SOX6: variants seen among roughly 807,000 people sequenced by gnomAD.
SOX6 encodes the protein SRY-box transcription factor 6.
A neutral mutation model predicts 97.8 loss-of-function variants in SOX6; 11 were observed. The ratio of observed to expected loss-of-function variants is 0.11; its 90% CI spans 0.07 to 0.19. The LOEUF is 0.19. Ranked by LOEUF, SOX6 falls within the 10% of genes least tolerant of loss-of-function variation. SOX6 has a pLI of 1.00. For missense variants in SOX6, 810 were observed against 1,039.5 expected (o/e 0.78, Z 3.04); for synonymous variants, 360 against 371.4 (o/e 0.97, Z 0.35).
At chr11:16,495,632 G>C (rs1860582167) in intron 4 of SOX6, among the ~76,000 whole-genome samples, 1 of 152,206 alleles carries the variant, frequency 6.6e-6, no homozygotes, top group South Asian at 2.1e-4. Flanking sequence ...GCACAGATCT[G>C]TTGTGAGCCA....
intron 3 of SOX6, among the ~76,000 whole-genome samples, chr11:16,275,495 C>A (rs10832581): frequency 1.9e-5 from 2 of 106,330 alleles, no homozygotes; most frequent in Admixed American, 1.3e-4. Flanking sequence ...AACAAAAAAA[C>A]ACCTCTTCCT....
At chr11:16,541,849 C>T (rs1590238830) in intron 4 of SOX6, among the ~76,000 whole-genome samples, 1 of 152,288 alleles carries the variant, frequency 6.6e-6, no homozygotes, top group Middle Eastern at 3.4e-3. Flanking sequence ...AATAGGAATG[C>T]TTTTACACCG....
At chr11:16,176,348 G>C (rs1851185732) in intron 6 of SOX6, among the ~76,000 whole-genome samples, 1 of 151,802 alleles carries the variant, frequency 6.6e-6, no homozygotes, top group Non-Finnish European at 1.5e-5. Context: ...GTGATTACAA[G>C]GGACAACCAA....
intron 8 of SOX6, among the ~76,000 whole-genome samples, chr11:16,096,854 T>C (rs973394356): frequency 1.3e-5 from 2 of 151,914 alleles, no homozygotes; most frequent in African/African-American, 4.8e-5. Flanking sequence ...TACTGAATGT[T>C]TGACTTATTT....
intron 1 of SOX6, among the ~76,000 whole-genome samples, chr11:16,439,988 A>G (rs1859472297): frequency 6.6e-6 from 1 of 152,322 alleles, no homozygotes; most frequent in South Asian, 2.1e-4. Context: ...TTTAAGTTCC[A>G]TATATAGACA....
At position 16,487,915 on chromosome 11, in the gene SOX6, C is replaced by T. The variant is rs1860460653; in HGVS notation, n.610-11527G>A. ...AGATGAGTTGACACCGCCTGTTGTG[C>T]AAATATGTACTTAGACTACTATAAA... On this transcript the variant is annotated intron_variant and non_coding_transcript_variant, in intron 4 of 5. Transcript: ENST00000524520. 2.6e-5 allele frequency among the ~76,000 whole-genome samples: 4 copies of T among 152,116 alleles called. No homozygotes were observed. The South Asian group carries it at 8.3e-4, about 32-fold the overall frequency.
intron 4 of SOX6, among the ~76,000 whole-genome samples, chr11:16,569,868 C>CAAAAAAAAAAAAAAAAAACAAA (rs34604334): frequency 1.2e-5 from 1 of 84,816 alleles, no homozygotes; most frequent in East Asian, 4.2e-4. Flanking sequence ...GACTCCGTCT[C>CAAAAAAAAAAAAAAAAAACAAA]AAAAAAAAAA....
intron 3 of SOX6, among the ~76,000 whole-genome samples, chr11:16,713,869 G>C (rs1456989525): frequency 6.6e-6 from 1 of 152,162 alleles, no homozygotes; most frequent in East Asian, 1.9e-4. Flanking sequence ...AGAACCAATG[G>C]AGAAAACTGT....
intron 1 of SOX6, among the ~76,000 whole-genome samples, chr11:16,364,978 T>C (rs1004066859): frequency 6.6e-5 from 10 of 152,158 alleles, no homozygotes; most frequent in Non-Finnish European, 1.3e-4. Context: ...TCGGCCATTA[T>C]CCACAGTTTT....
At chr11:16,166,130 A>T (rs1004681999) in intron 6 of SOX6, among the ~76,000 whole-genome samples, 1 of 152,106 alleles carries the variant, frequency 6.6e-6, no homozygotes, top group Non-Finnish European at 1.5e-5. Context: ...TTTAATTAAG[A>T]TCAGAGTCAA....
In SOX6 at chr11:15,981,531, G is replaced by A. The variant is rs534538296; in HGVS notation, c.2183+4673C>T. Among the ~76,000 whole-genome samples the A allele has an allele frequency of 3.3e-5, 5 of 152,158 alleles. No individual in the cohort carries two copies. The East Asian group carries it at 7.7e-4, about 23-fold the overall frequency. ...GGAAGTTTGTTTCATTAGGAGATAAGCCTATACGTCACATATCTCTGTAGC... is the reference window on the plus strand; with the variant it reads ...GGAAGTTTGTTTCATTAGGAGATAAACCTATACGTCACATATCTCTGTAGC... On this transcript the variant is annotated intron_variant, in intron 15 of 15. Transcript: ENST00000683767.
chr11:16,274,311 G>T (rs1382393681), intron 3 of SOX6, among the ~76,000 whole-genome samples: 1 of 151,914 alleles, frequency 6.6e-6, no homozygotes, highest in Non-Finnish European at 1.5e-5. Context: ...TTTATATTTA[G>T]ATAGCATCTA....
At chr11:16,357,631 G>A (rs1048053002), upstream of SOX6, among the ~76,000 whole-genome samples, 2 of 152,120 alleles carry the variant, frequency 1.3e-5, no homozygotes, top group African/African-American at 4.8e-5. Context: ...TGGAAAACAT[G>A]TATAAAACTA....
At chr11:16,579,190 A>G (rs749285048) in intron 4 of SOX6, among the ~76,000 whole-genome samples, 1 of 152,126 alleles carries the variant, frequency 6.6e-6, no homozygotes, top group African/African-American at 2.4e-5. Context: ...CAATTCCACA[A>G]TAAAAATGTA....
intron 3 of SOX6, among the ~76,000 whole-genome samples, chr11:16,294,254 T>C (rs1302031572): frequency 6.6e-6 from 1 of 152,044 alleles, no homozygotes; most frequent in African/African-American, 2.4e-5. Flanking sequence ...TATATCATCA[T>C]TAATGTAATA....
At position 16,610,423 on chromosome 11, in the gene SOX6, C is replaced by G. The variant is rs1439442002; in HGVS notation, n.609+1658G>C. On this transcript the variant is annotated intron_variant and non_coding_transcript_variant, in intron 4 of 5. Coordinates refer to the SOX6 transcript ENST00000524520. This position sits in a 1 kb window ranked among gnomAD's most constrained non-coding sequence, Gnocchi z 4.4. ...TTTAAATCACAGAGCAATCGGGGTT[C>G]TGGTGGGCAAGACTGACCCTGCCGA... Among the ~76,000 whole-genome samples the G allele has an allele frequency of 6.6e-6, 1 of 152,152 alleles. No homozygotes were observed.
intron 2 of SOX6, among the ~76,000 whole-genome samples, chr11:16,323,018 T>C (rs979739466): frequency 9.2e-5 from 14 of 152,084 alleles, no homozygotes; most frequent in South Asian, 4.2e-4. Flanking sequence ...TAAACATTAG[T>C]TTATTCAAAG....
intron 3 of SOX6, among the ~76,000 whole-genome samples, chr11:16,704,996 GC>G (rs1848120784): frequency 1.3e-5 from 2 of 152,240 alleles, no homozygotes; most frequent in South Asian, 4.1e-4. Flanking sequence ...GGTGGCTCAT[GC>G]CTGTAATCCC....
intron 4 of SOX6, among the ~76,000 whole-genome samples, chr11:16,489,723 C>G (rs1362786446): frequency 6.6e-6 from 1 of 152,064 alleles, no homozygotes; most frequent in African/African-American, 2.4e-5. Context: ...CTTAACATAG[C>G]TAACCTCTTA....
Sources: gnomAD v4.1 joint callset for allele counts (sites outside exome capture counted in the v4.1 genomes callset) on GRCh38, gnomAD v4.1.1 for gene constraint, Gnocchi (gnomAD v3.1) non-coding constraint, MANE v1.5 for transcripts, NCBI Gene and HGNC (gene_info 2026-07-23, HGNC 2026-07-21) for gene names.